The following ZNF667 variants were observed in gnomAD, a reference collection of about 807,000 sequenced individuals.
ZNF667 encodes the protein myocardial ischemic preconditioning upregulated 1 ortholog.
Under a neutral mutation model 31.8 loss-of-function variants are expected in ZNF667, and 13 were observed. The observed-to-expected ratio is 0.41, with a 90% CI of 0.27 to 0.65. The LOEUF (loss-of-function observed/expected upper bound fraction) is 0.65. ZNF667 is among the 30% of genes least tolerant of loss of function. The probability of loss-of-function intolerance (pLI) is 0.32; values close to 1 mark genes in which losing one functional copy is unlikely to be tolerated. For synonymous variants in ZNF667, 228 were observed against 247.1 expected (o/e 0.92, Z 0.73); for missense variants, 642 against 725.6 (o/e 0.88, Z 1.32).
At chr19:56,458,475 A>G (rs76530560) in intron 5 of ZNF667, among the ~76,000 whole-genome samples, 3,067 of 152,250 alleles carry the variant, frequency 0.02, 106 homozygotes, top group African/African-American at 0.069. Flanking sequence ...AATCTCCTGC[A>G]TATGTGTCTT....
chr19:56,442,336 C>T lies in ZNF667; in HGVS notation c.659G>A (p.Arg220Lys), dbSNP rs774562439. The T allele has an allele frequency of 6.2e-7, 1 of 1,613,970 alleles. No homozygotes were observed. Among genetic ancestry groups the T allele is most frequent in the South Asian group, 1.1e-5 (1 of 91,072 alleles). Reference protein sequence around the residue: ...NQRTTLILHMRIHDGKEILDC... With the variant: ...NQRTTLILHMKIHDGKEILDC... ...AAGAATTTCCTTTCCATCATGAATT[C>T]TCATATGTAGAATAAGGGTTGTTCT... is the stretch of plus-strand genomic sequence containing the variant. Residue 220 changes from arginine to lysine, a missense_variant, in exon 7 of 7, where the codon AGA becomes AAA. Physicochemically the swap from Arg to Lys is conservative, Grantham distance 26. Transcript: ENST00000504904.
intron 5 of ZNF667, among the ~76,000 whole-genome samples, chr19:56,459,561 G>A (rs2043001542): frequency 1.3e-5 from 2 of 152,136 alleles, no homozygotes; most frequent in South Asian, 4.1e-4. Context: ...CTTCCTTAAA[G>A]CGCTAAAAAC....
rs762220310 is a variant in ZNF667, at chr19:56,442,234, T to G, written c.761A>C (p.Gln254Pro). 6.2e-7 allele frequency: 1 copy of G among 1,614,198 alleles called. No homozygotes were observed. The highest frequency in any genetic ancestry group is 1.7e-5 in the Admixed American group (1 of 60,024). Reference protein sequence around the residue: ...QKIHVVGNVCQCRKCGKAFNQ... With the variant: ...QKIHVVGNVCPCRKCGKAFNQ... ...GAAGGCTTTTCCGCACTTTCTGCAC[T>G]GGCAGACATTCCCAACAACATGAAT... The change falls in exon 7 of 7, where the codon CAG becomes CCG. Residue 254 changes from glutamine (Q) to proline (P), a missense_variant. Physicochemically the swap from Gln to Pro is moderately conservative, Grantham distance 76 (BLOSUM62 -1). Coordinates refer to ENST00000504904, the MANE Select transcript of ZNF667 (RefSeq NM_001321356.2).
At chr19:56,462,503 A>T in intron 3 of ZNF667, 74 bp from the exon 4 acceptor site, 1 of 886,834 alleles carries the variant, frequency 1.1e-6, no homozygotes, top group Non-Finnish European at 1.9e-6. Context: ...ACACACACAC[A>T]CACAGACACA....
intron 6 of ZNF667, among the ~76,000 whole-genome samples, chr19:56,455,137 C>G (rs1365472072): frequency 2.6e-5 from 4 of 152,022 alleles, no homozygotes; most frequent in African/African-American, 9.7e-5. Flanking sequence ...TCATCTCACC[C>G]CAGTTAAAAT....
chr19:56,462,514 C>CATGCACACAT, intron 3 of ZNF667, 85 bp from the exon 4 acceptor site: 1 of 839,004 alleles, frequency 1.2e-6, no homozygotes, highest in Non-Finnish European at 2.1e-6. Context: ...CACAGACACA[C>CATGCACACAT]ATGCACACAT....
At chr19:56,475,927 C>A (rs543643512) in intron 1 of ZNF667, 1 of 152,338 alleles carries the variant, frequency 6.6e-6, no homozygotes, top group African/African-American at 2.4e-5. Flanking sequence ...ACCTGCAACC[C>A]TTACTCTGGG....
chr19:56,460,448 T>G (rs1005302480), intron 5 of ZNF667, among the ~76,000 whole-genome samples: 1 of 152,208 alleles, frequency 6.6e-6, no homozygotes, highest in Non-Finnish European at 1.5e-5. Flanking sequence ...ACTGGGTTTT[T>G]GGGTGGAAAT....
chr19:56,474,410 T>C (rs2043357827), intron 1 of ZNF667: 1 of 152,184 alleles, frequency 6.6e-6, no homozygotes, highest in Admixed American at 6.5e-5. Flanking sequence ...GCCAGGGACA[T>C]ACGTAGGCAA....
chr19:56,460,641 T>G (rs959726151), intron 5 of ZNF667, 48 bp downstream of exon 5: 3 of 1,572,244 alleles, frequency 1.9e-6, no homozygotes, highest in African/African-American at 2.7e-5. Flanking sequence ...GAGTGATGCA[T>G]GTCCCTCAAT....
Position 56,441,768 on chromosome 19 carries a change from T to C in ZNF667, c.1227A>G (p.Thr409=). 6.2e-7 allele frequency: 1 copy of C among 1,614,088 alleles called. No homozygotes were observed. Among genetic ancestry groups the C allele is most frequent in the Non-Finnish European group, 8.5e-7 (1 of 1,180,012 alleles). Residue 409 remains threonine (T), a synonymous_variant, in exon 7 of 7, where the codon ACA becomes ACG. Transcript: ENST00000504904. This position sits in a 1 kb window ranked among gnomAD's most constrained non-coding sequence, Gnocchi z 4.2. Reference sequence around the variant, plus strand: ...TACACTCAAATAGTTTCTTTTTCTTTGTATGAACTTTCTGATGTTGAATAA... The same window carrying C: ...TACACTCAAATAGTTTCTTTTTCTTCGTATGAACTTTCTGATGTTGAATAA... ...SSLIQHQKVH[T]KKKKLFECKE...
At chr19:56,444,217 G>C in intron 6 of ZNF667, 1 of 398,496 alleles carries the variant, frequency 2.5e-6, no homozygotes, top group Non-Finnish European at 4.4e-6. Flanking sequence ...TTGGCTCCTG[G>C]TTCAGTAGGC....
In ZNF667 at chr19:56,471,707, C is replaced by G. The variant is rs573057032; in HGVS notation, c.-68G>C. On this transcript the variant is annotated 5_prime_UTR_variant, in exon 3 of 7. Coordinates refer to ENST00000504904, the MANE Select transcript of ZNF667 (RefSeq NM_001321356.2). Reference sequence around the variant, plus strand: ...TGTTTTAAATGATTTACCAGATAAGCAGATCAGTTGGCTTTCCCCTTCCAA... The same window carrying G: ...TGTTTTAAATGATTTACCAGATAAGGAGATCAGTTGGCTTTCCCCTTCCAA... The G allele has an allele frequency of 1.3e-5, 2 of 152,290 alleles. No individual in the cohort carries two copies. Among genetic ancestry groups the G allele is most frequent in the Admixed American group, 6.5e-5 (1 of 15,302 alleles). The allele number at this position is 152,290 out of a possible 1,614,324, so 9.4% of individuals were successfully genotyped here.
chr19:56,465,802 G>T (rs919859773), intron 3 of ZNF667, among the ~76,000 whole-genome samples: 1 of 152,068 alleles, frequency 6.6e-6, no homozygotes, highest in Non-Finnish European at 1.5e-5. Context: ...AGAGGCCTGT[G>T]TGCAGGGTCA....
intron 3 of ZNF667, among the ~76,000 whole-genome samples, chr19:56,469,457 T>C (rs79601423): frequency 0.012 from 1,896 of 152,230 alleles, 40 homozygotes; most frequent in African/African-American, 0.043. Context: ...CACCTCTCAA[T>C]TGGGGACAAT....
Position 56,441,811 on chromosome 19 carries a change from C to G in ZNF667, c.1184G>C (p.Cys395Ser). 6.2e-7 allele frequency: 1 copy of G among 1,614,008 alleles called. No individual in the cohort carries two copies. Among genetic ancestry groups the G allele is most frequent in the Non-Finnish European group, 8.5e-7 (1 of 1,179,988 alleles). The change falls in exon 7 of 7, where the codon TGC becomes TCC. Residue 395 changes from cysteine to serine, a missense_variant. Coordinates refer to ENST00000504904, the MANE Select transcript of ZNF667 (RefSeq NM_001321356.2). The surrounding 1 kb of genome is among the most constrained non-coding windows in gnomAD (Gnocchi z 4.2). ...TTGAATAAGGGATGAATGCCGATTG[C>G]AGACCTTCTCACATTTATTGCATCT... ...LYRCNKCEKV[C>S]NRHSSLIQHQ... is the part of the protein sequence containing the mutation.
chr19:56,465,619 A>T (rs1384701530), intron 3 of ZNF667, among the ~76,000 whole-genome samples: 2 of 152,260 alleles, frequency 1.3e-5, no homozygotes, highest in Admixed American at 1.3e-4. Context: ...GGGAGGAATC[A>T]CTTGCCCAAC....
intron 3 of ZNF667, chr19:56,467,147 G>T (rs1198882595): frequency 7.0e-6 from 3 of 429,374 alleles, no homozygotes; most frequent in Admixed American, 2.6e-5. Flanking sequence ...TGCCATGCCG[G>T]CCACATCATG....
At chr19:56,477,496 C>G (rs1252837038), upstream of ZNF667, 4 of 152,342 alleles carry the variant, frequency 2.6e-5, no homozygotes. Context: ...GAGGCCCCGA[C>G]CCCTCAGCGC....
Sources: allele counts gnomAD v4.1 joint callset (sites outside exome capture counted in the v4.1 genomes callset), GRCh38; gene constraint gnomAD v4.1.1; non-coding constraint Gnocchi (gnomAD v3.1); transcripts MANE v1.5; gene names NCBI Gene and HGNC (gene_info 2026-07-23, HGNC 2026-07-21).